NOX3: variants seen among roughly 807,000 people sequenced by gnomAD.
NOX3 encodes NADPH oxidase 3.
NOX3 carries 74 observed loss-of-function variants against 76.7 expected under a neutral mutation model. The observed-to-expected ratio is 0.96, with a 90% CI of 0.80 to 1.17. The LOEUF (loss-of-function observed/expected upper bound fraction) is 1.17. Among genes scored for constraint, NOX3 ranks in the 50% most tolerant of loss-of-function variants. NOX3 has a pLI of 0.00. For missense variants in NOX3, 695 were observed against 703.3 expected (o/e 0.99, Z 0.13); for synonymous variants, 263 against 261.1 (o/e 1.01, Z -0.07).
intron 10 of NOX3, among the ~76,000 whole-genome samples, chr6:155,412,101 A>C (rs1374003896): frequency 6.6e-6 from 1 of 152,136 alleles, no homozygotes; most frequent in Non-Finnish European, 1.5e-5. Flanking sequence ...ACAGGAGATA[A>C]ATCTATTAAT....
intron 4 of NOX3, among the ~76,000 whole-genome samples, chr6:155,448,404 C>G (rs77262471): frequency 0.016 from 2,384 of 152,258 alleles, 69 homozygotes; most frequent in African/African-American, 0.054. Context: ...TCCTGGGCCT[C>G]TGTGGACTTT....
In NOX3 at chr6:155,440,173, C is replaced by CA. The variant is rs373137972; in HGVS notation, c.487-37dup. ...CAACAACAACAAAAAAAGAAACAAACAAAAAAAAACACCTTGACATTAAAT... is the reference window on the plus strand; with the variant it reads ...CAACAACAACAAAAAAAGAAACAAACAAAAAAAAAACACCTTGACATTAAAT... On this transcript the variant is annotated intron_variant, in intron 5 of 13. Coordinates refer to ENST00000159060, the MANE Select transcript of NOX3 (RefSeq NM_015718.3). 3.7e-3 allele frequency: 5,103 copies of CA among 1,393,690 alleles called. 3 individuals carry two copies. The highest frequency in any genetic ancestry group is 6.1e-3 in the South Asian group (412 of 67,042). The allele number at this position is 1,393,690 out of a possible 1,614,324, so 86.3% of individuals were successfully genotyped here. A position where few individuals can be genotyped will look rare whatever the true frequency, so the allele number is the denominator to read the frequency against.
chr6:155,423,441 A>G (rs1207353176), intron 9 of NOX3, among the ~76,000 whole-genome samples: 1 of 152,050 alleles, frequency 6.6e-6, no homozygotes, highest in Non-Finnish European at 1.5e-5. Context: ...GATTATACTG[A>G]CTCAAAATCT....
chr6:155,448,392 C>T (rs1158897739), intron 4 of NOX3, among the ~76,000 whole-genome samples: 2 of 152,152 alleles, frequency 1.3e-5, no homozygotes, highest in Admixed American at 6.5e-5. Flanking sequence ...CGGGGGAGCT[C>T]TTCCTGGGCC....
intron 12 of NOX3, among the ~76,000 whole-genome samples, chr6:155,401,034 C>A (rs1289805181): frequency 3.3e-5 from 5 of 152,282 alleles, no homozygotes; most frequent in African/African-American, 1.2e-4. Context: ...TTTTTGCCAA[C>A]CCTTCCCCAC....
At chr6:155,400,641 CTTTTT>C (rs5881132) in intron 12 of NOX3, among the ~76,000 whole-genome samples, 1 of 146,074 alleles carries the variant, frequency 6.8e-6, no homozygotes, top group Non-Finnish European at 1.5e-5. Flanking sequence ...TGCTGGCCAG[CTTTTT>C]TTTTTTTTTT....
intron 10 of NOX3, among the ~76,000 whole-genome samples, chr6:155,420,429 C>T (rs565006121): frequency 1.4e-4 from 21 of 152,284 alleles, no homozygotes; most frequent in South Asian, 6.2e-4. Context: ...AAAATCATCA[C>T]GAACCAAAAC....
intron 10 of NOX3, 121 bp from the exon 11 acceptor site, chr6:155,411,481 G>A (rs1776551413): frequency 1.2e-6 from 1 of 845,988 alleles, no homozygotes; most frequent in Admixed American, 3.3e-5. Flanking sequence ...AAAATAACAT[G>A]CTTTTTTTTG....
chr6:155,441,351 T>A (rs1562470417), intron 5 of NOX3, among the ~76,000 whole-genome samples: 1 of 152,222 alleles, frequency 6.6e-6, no homozygotes, highest in Non-Finnish European at 1.5e-5. Context: ...GAAAGGGGTA[T>A]GTCTCAAACA....
At chr6:155,425,823 T>C (rs1305973960) in intron 9 of NOX3, among the ~76,000 whole-genome samples, 1 of 152,182 alleles carries the variant, frequency 6.6e-6, no homozygotes, top group African/African-American at 2.4e-5. Flanking sequence ...AGCTGGAAAC[T>C]CCATCAACTG....
Position 155,428,890 on chromosome 6 carries a change from C to T in NOX3, c.1049G>A (p.Ser350Asn), listed in dbSNP as rs746960405. The change falls in exon 9 of 14, where the codon AGC becomes AAC. Residue 350 changes from serine (S) to asparagine (N), a missense_variant. Ser to Asn is a conservative substitution (Grantham distance 46, BLOSUM62 1). Transcript: ENST00000159060. Reference sequence around the variant, plus strand: ...GTCTCCTGCTGCCCGGATGTGCACGCTGAAAAAGTCCTCCTGGGGGGCAGA... The same window carrying T: ...GTCTCCTGCTGCCCGGATGTGCACGTTGAAAAAGTCCTCCTGGGGGGCAGA... ...LTSAPQEDFF[S>N]VHIRAAGDWT... 2.5e-6 allele frequency: 4 copies of T among 1,613,608 alleles called. No homozygotes were observed. The African/African-American group carries it at 4.0e-5, about 16-fold the overall frequency.
intron 9 of NOX3, among the ~76,000 whole-genome samples, chr6:155,424,209 T>C (rs1346137413): frequency 6.6e-6 from 1 of 152,180 alleles, no homozygotes; most frequent in Non-Finnish European, 1.5e-5. Context: ...ATAGTCCTCA[T>C]CACAGCTGTA....
chr6:155,436,438 A>G lies in NOX3; in HGVS notation c.778T>C (p.Phe260Leu). Reference sequence around the variant, plus strand: ...CTTACCGAGGGTTCCTTGCCAGAAAATTGAGGCACGGGGCATTGGGCCACT... The same window carrying G: ...CTTACCGAGGGTTCCTTGCCAGAAAGTTGAGGCACGGGGCATTGGGCCACT... Reference protein sequence around the residue: ...QTVAQCPVPQFSGKEPSAWKW... With the variant: ...QTVAQCPVPQLSGKEPSAWKW... The change falls in exon 7 of 14, where the codon TTT becomes CTT. Residue 260 changes from phenylalanine (F) to leucine (L), a missense_variant. Phe to Leu is a conservative substitution (Grantham distance 22). Coordinates refer to ENST00000159060, the MANE Select transcript of NOX3 (RefSeq NM_015718.3). 1 of 1,614,142 alleles carries G rather than the reference A, an allele frequency of 6.2e-7. No individual in the cohort carries two copies. The highest frequency in any genetic ancestry group is 8.5e-7 in the Non-Finnish European group (1 of 1,180,004).
At chr6:155,425,361 GC>G (rs1776743516) in intron 9 of NOX3, among the ~76,000 whole-genome samples, 1 of 152,132 alleles carries the variant, frequency 6.6e-6, no homozygotes, top group Non-Finnish European at 1.5e-5. Context: ...AGCTATCCCT[GC>G]CTTGATTTAG....
At chr6:155,441,960 G>C (rs1471883889) in intron 5 of NOX3, among the ~76,000 whole-genome samples, 1 of 152,166 alleles carries the variant, frequency 6.6e-6, no homozygotes, top group Non-Finnish European at 1.5e-5. Context: ...TCCAATAGCT[G>C]TCAGCTAAGA....
chr6:155,403,602 T>C lies in NOX3; in HGVS notation c.1580+3528A>G, dbSNP rs1779262942. Among the ~76,000 whole-genome samples, 3 of 152,288 alleles carry C rather than the reference T, an allele frequency of 2.0e-5. No homozygotes were observed. The South Asian group carries it at 6.2e-4, about 32-fold the overall frequency. On this transcript the variant is annotated intron_variant, in intron 12 of 13. Transcript: ENST00000159060. Reference sequence around the variant, plus strand: ...TAGCTACCGTGCTGCAAAATACAATTGAGCATTAAGTACGTTTCCGCACTT... The same window carrying C: ...TAGCTACCGTGCTGCAAAATACAATCGAGCATTAAGTACGTTTCCGCACTT...
At chr6:155,438,474 G>A (rs1180669527) in intron 6 of NOX3, among the ~76,000 whole-genome samples, 3 of 152,180 alleles carry the variant, frequency 2.0e-5, no homozygotes, top group Non-Finnish European at 2.9e-5. Flanking sequence ...GCACCCTCAG[G>A]GGCACTTCTT....
At position 155,396,848 on chromosome 6, in the gene NOX3, C is replaced by T; in HGVS notation, c.1695G>A (p.Lys565=). 1 of 1,610,944 alleles carries T rather than the reference C, an allele frequency of 6.2e-7. No homozygotes were observed. Residue 565 remains lysine, a synonymous_variant, in exon 13 of 14, where the codon AAG becomes AAA. Coordinates refer to ENST00000159060, the MANE Select transcript of NOX3 (RefSeq NM_015718.3). ...TGACCTCCAAAGTCTAGAAGCTCTC[C>T]TTGTTGTAATAGAAATGAACACCTC... ...DPRGVHFYYN[K]ESF
intron 5 of NOX3, among the ~76,000 whole-genome samples, chr6:155,442,745 C>T (rs1338945469): frequency 6.6e-6 from 1 of 152,232 alleles, no homozygotes; most frequent in African/African-American, 2.4e-5. Flanking sequence ...AATGATGTCA[C>T]TGGCCATGCA....
Sources: allele counts gnomAD v4.1 joint callset (sites outside exome capture counted in the v4.1 genomes callset), GRCh38; gene constraint gnomAD v4.1.1; transcripts MANE v1.5; gene names NCBI Gene and HGNC (gene_info 2026-07-23, HGNC 2026-07-21).